The following SORT1 variants were observed in gnomAD, a reference collection of about 807,000 sequenced individuals.
The protein encoded by SORT1 is sortilin 1, also known as sortilin.
In SORT1, 39 loss-of-function variants were observed where a neutral mutation model predicts 101.7. The observed-to-expected ratio is 0.38, with a 90% CI of 0.30 to 0.50. SORT1 has a LOEUF of 0.50. Among genes scored for constraint, SORT1 ranks in the 20% least tolerant of loss-of-function variants. SORT1 has a pLI of 0.90. For synonymous variants in SORT1, 396 were observed against 393.7 expected, an observed-to-expected ratio of 1.01 and a Z score of -0.07; for missense variants, 878 against 1,040.4, an observed-to-expected ratio of 0.84 and a Z score of 2.15.
intron 1 of SORT1, among the ~76,000 whole-genome samples, chr1:109,373,976 C>A: frequency 6.6e-6 from 1 of 152,250 alleles, no homozygotes; most frequent in East Asian, 1.9e-4. Context: ...GTAGCCCTCG[C>A]TACTTGGGAG....
At chr1:109,348,630 A>G (rs1264167764) in intron 6 of SORT1, among the ~76,000 whole-genome samples, 1 of 152,066 alleles carries the variant, frequency 6.6e-6, no homozygotes, top group Non-Finnish European at 1.5e-5. Context: ...CGAGGACTAC[A>G]GGTGTGCACC....
At chr1:109,316,727 C>A (rs1055642374) in intron 17 of SORT1, 123 bp downstream of exon 17, 1 of 641,278 alleles carries the variant, frequency 1.6e-6, no homozygotes, top group African/African-American at 1.9e-5. Flanking sequence ...ATAAGGGAAG[C>A]CTGAGAGAAG....
chr1:109,386,500 CT>C (rs1652575631), intron 1 of SORT1, among the ~76,000 whole-genome samples: 1 of 152,130 alleles, frequency 6.6e-6, no homozygotes, highest in Non-Finnish European at 1.5e-5. Context: ...TAGAAGATCA[CT>C]TTAACTGGAA....
At chr1:109,376,755 T>C (rs1166680719) in intron 1 of SORT1, among the ~76,000 whole-genome samples, 1 of 152,168 alleles carries the variant, frequency 6.6e-6, no homozygotes, top group Non-Finnish European at 1.5e-5. Flanking sequence ...GGGACGCAGG[T>C]GAGTACTGGT....
intron 1 of SORT1, chr1:109,393,134 T>C (rs1653009499): frequency 4.1e-6 from 4 of 985,314 alleles, no homozygotes; most frequent in South Asian, 4.7e-5. Flanking sequence ...TCCTGTCAGC[T>C]TGGACTCAAC....
intron 1 of SORT1, among the ~76,000 whole-genome samples, chr1:109,372,706 CAG>C (rs1651557984): frequency 1.3e-5 from 2 of 151,922 alleles, no homozygotes; most frequent in South Asian, 4.2e-4. Context: ...ATCACGAGGT[CAG>C]GAGTTCGACT....
chr1:109,329,004 C>T lies in SORT1; in HGVS notation c.1372-1403G>A, dbSNP rs569632558. Among the ~76,000 whole-genome samples, 5 of 152,176 alleles carry T rather than the reference C, an allele frequency of 3.3e-5. No individual in the cohort carries two copies. The South Asian group carries it at 1.0e-3, about 32-fold the overall frequency. On this transcript the variant is annotated intron_variant, in intron 11 of 19. Transcript: ENST00000256637. Reference sequence around the variant, plus strand: ...TTAAAAGGTCCACCCTAGTGGATTCCACTGCCAGGCCTGCCGCAGAGGACC... The same window carrying T: ...TTAAAAGGTCCACCCTAGTGGATTCTACTGCCAGGCCTGCCGCAGAGGACC...
At chr1:109,345,960 T>C in intron 7 of SORT1, 79 bp from the exon 8 acceptor site, 1 of 1,203,260 alleles carries the variant, frequency 8.3e-7, no homozygotes, top group Non-Finnish European at 1.2e-6. Context: ...GAATCAATCT[T>C]AATTTTATAG....
chr1:109,367,603 A>G (rs920259052), intron 2 of SORT1, 122 bp from the exon 3 acceptor site: 12 of 582,236 alleles, frequency 2.1e-5, no homozygotes, highest in Non-Finnish European at 3.4e-5. Context: ...GTACTCCCCA[A>G]AGTCTAGAAG....
chr1:109,367,412 G>A lies in SORT1; in HGVS notation c.436C>T (p.Arg146Ter). The change falls in exon 3 of 20, where the codon CGA becomes TGA. Residue 146 changes from arginine to a stop codon, truncating the protein, a stop_gained. Transcript: ENST00000256637. LOFTEE classifies it high-confidence loss of function. ...IMTFGQSKLY[R>*]SEDYGKNFKD... is the part of the protein sequence containing the mutation. ...AACGCGTGTTATTGATCTCACCTTC[G>A]ATATAGCTTGGACTGTCCAAAAGTC... The A allele has an allele frequency of 6.3e-7, 1 of 1,576,368 alleles. No individual in the cohort carries two copies. The highest frequency in any genetic ancestry group is 8.7e-7 in the Non-Finnish European group (1 of 1,148,240).
intron 14 of SORT1, among the ~76,000 whole-genome samples, chr1:109,323,393 G>GA (rs1304075959): frequency 6.6e-6 from 1 of 152,252 alleles, no homozygotes; most frequent in East Asian, 1.9e-4. Context: ...AAGCTGGATA[G>GA]AAAATCTCTC....
At chr1:109,325,161 C>T in intron 13 of SORT1, 72 bp from the exon 14 acceptor site, 3 of 912,728 alleles carry the variant, frequency 3.3e-6, no homozygotes, top group Non-Finnish European at 4.8e-6. Context: ...ACCACTCTGG[C>T]TTTTTGATCC....
intron 10 of SORT1, among the ~76,000 whole-genome samples, chr1:109,337,465 A>C (rs1053018208): frequency 6.6e-6 from 1 of 152,028 alleles, no homozygotes; most frequent in African/African-American, 2.4e-5. Flanking sequence ...CTGGTCTCCA[A>C]CTTCTGACCT....
intron 1 of SORT1, among the ~76,000 whole-genome samples, chr1:109,387,744 AGTTT>A (rs1652660041): frequency 2.0e-5 from 3 of 152,086 alleles, no homozygotes; most frequent in Non-Finnish European, 4.4e-5. Flanking sequence ...CGAGGTCAGG[AGTTT>A]AAGACCAGCC....
intron 16 of SORT1, 127 bp downstream of exon 16, chr1:109,317,726 C>T: frequency 1.5e-6 from 1 of 681,186 alleles, no homozygotes; most frequent in Non-Finnish European, 2.6e-6. Context: ...TCATATCCTG[C>T]CCCTCCCCAA....
At chr1:109,322,227 C>G (rs537254611) in intron 15 of SORT1, among the ~76,000 whole-genome samples, 3 of 152,114 alleles carry the variant, frequency 2.0e-5, no homozygotes, top group Non-Finnish European at 4.4e-5. Context: ...CATGAGCCAC[C>G]GTGCCTGGCC....
intron 9 of SORT1, among the ~76,000 whole-genome samples, chr1:109,341,564 C>T (rs966141123): frequency 9.2e-5 from 14 of 151,964 alleles, no homozygotes; most frequent in African/African-American, 2.4e-4. Flanking sequence ...TTAGCCATGA[C>T]GGTCTCGATC....
chr1:109,341,000 G>C, intron 9 of SORT1, 121 bp from the exon 10 acceptor site: 1 of 721,658 alleles, frequency 1.4e-6, no homozygotes, highest in Non-Finnish European at 2.3e-6. Context: ...GTCTCTTCAT[G>C]ATGAAGACTC....
In SORT1 at chr1:109,310,031, G is replaced by C. The variant is rs1658626347; in HGVS notation, c.*4012C>G. The C allele has an allele frequency of 6.6e-6, 1 of 152,622 alleles. No individual in the cohort carries two copies. Among genetic ancestry groups the C allele is most frequent in the Admixed American group, 6.5e-5 (1 of 15,272 alleles). The allele number at this position is 152,622 out of a possible 1,614,324, so 9.5% of individuals were successfully genotyped here. On this transcript the variant is annotated 3_prime_UTR_variant, in exon 20 of 20. Transcript: ENST00000256637. ...CCTCCCTAGAGGTCCAAACACAGGA[G>C]GTGGGCCAAATCATCAGGGAACAGT...
Sources: gnomAD v4.1 joint callset for allele counts (sites outside exome capture counted in the v4.1 genomes callset) on GRCh38, gnomAD v4.1.1 for gene constraint, MANE v1.5 for transcripts, NCBI Gene and HGNC (gene_info 2026-07-23, HGNC 2026-07-21) for gene names.